The following COLEC11 variants were observed in gnomAD, a reference collection of about 807,000 sequenced individuals.
The protein encoded by COLEC11 is collectin-11.
A neutral mutation model predicts 27.3 loss-of-function variants in COLEC11; 20 were observed. The ratio of observed to expected loss-of-function variants is 0.73; its 90% CI spans 0.51 to 1.06. COLEC11 has a LOEUF of 1.06. Ranked by LOEUF, COLEC11 falls within the 50% of genes least tolerant of loss-of-function variation. COLEC11 has a pLI of 0.00. For synonymous variants in COLEC11, 163 were observed against 154.7 expected (o/e 1.05, Z -0.40); for missense variants, 310 against 383.0 (o/e 0.81, Z 1.59).
Position 3,644,201 on chromosome 2 carries a change from C to A in COLEC11, c.*83C>A. 6.4e-7 allele frequency: 1 copy of A among 1,559,930 alleles called. No homozygotes were observed. Among genetic ancestry groups the A allele is most frequent in the Non-Finnish European group, 8.7e-7 (1 of 1,146,226 alleles). On this transcript the variant is annotated 3_prime_UTR_variant, in exon 7 of 7. Transcript: ENST00000349077. Reference sequence around the variant, plus strand: ...ACAGAGCCCAGACCATGGTGCCAGCCAGGGAGCTGTCCCTCTGTGAAGGGT... The same window carrying A: ...ACAGAGCCCAGACCATGGTGCCAGCAAGGGAGCTGTCCCTCTGTGAAGGGT...
At chr2:3,605,621 G>T in intron 2 of COLEC11, 1 of 183,932 alleles carries the variant, frequency 5.4e-6, no homozygotes, top group Non-Finnish European at 1.1e-5. Context: ...GGGGCACATT[G>T]ACCTTTTGCA....
chr2:3,641,090 C>G, intron 5 of COLEC11: 1 of 379,086 alleles, frequency 2.6e-6, no homozygotes, highest in South Asian at 2.0e-5. Context: ...ACCCACCCAC[C>G]ATGTAGACCC....
chr2:3,635,569 C>T (rs182582379), intron 3 of COLEC11, among the ~76,000 whole-genome samples: 1 of 152,224 alleles, frequency 6.6e-6, no homozygotes, highest in Non-Finnish European at 1.5e-5. Flanking sequence ...CTATTCCCTT[C>T]CCTCGCACGC....
At chr2:3,625,920 G>C in intron 3 of COLEC11, 2 of 1,191,194 alleles carry the variant, frequency 1.7e-6, no homozygotes, top group East Asian at 4.7e-5. Context: ...GGCATGAGCC[G>C]CCATACCTGG....
At chr2:3,610,973 T>C (rs12988099) in intron 2 of COLEC11, among the ~76,000 whole-genome samples, 104,917 of 151,700 alleles carry the variant, frequency 0.69, 36,789 homozygotes, top group South Asian at 0.89. Context: ...TGGTGTTCTG[T>C]GATGTTGCTC....
chr2:3,605,289 C>G (rs1391229280), intron 2 of COLEC11, among the ~76,000 whole-genome samples: 1 of 131,318 alleles, frequency 7.6e-6, no homozygotes. Flanking sequence ...AGGGGAGTCA[C>G]GTGGGTGCCG....
chr2:3,618,649 G>T (rs982122217), intron 3 of COLEC11, among the ~76,000 whole-genome samples: 5 of 152,178 alleles, frequency 3.3e-5, no homozygotes, highest in African/African-American at 1.2e-4. Context: ...GCTTAAGGCT[G>T]CTTTGGCTAT....
chr2:3,606,390 G>A (rs577537330), intron 2 of COLEC11: 14 of 725,848 alleles, frequency 1.9e-5, no homozygotes, highest in Admixed American at 1.8e-4. Flanking sequence ...ACATGGGTAG[G>A]GTCCCTTCTC....
At chr2:3,606,252 C>A (rs72767191) in intron 2 of COLEC11, 56,441 of 1,549,648 alleles carry the variant, frequency 0.036, 1,441 homozygotes, top group African/African-American at 0.13. Context: ...AGGTCAGTAG[C>A]CTGCACTGGT....
chr2:3,625,876 G>A (rs1272524164), intron 3 of COLEC11: 25 of 756,932 alleles, frequency 3.3e-5, no homozygotes, highest in African/African-American at 1.5e-4. Flanking sequence ...CAAGAGATCC[G>A]CCTACCTTGG....
chr2:3,620,467 A>G (rs903609703), intron 3 of COLEC11, among the ~76,000 whole-genome samples: 10 of 145,250 alleles, frequency 6.9e-5, no homozygotes, highest in South Asian at 2.2e-4. Flanking sequence ...AGGTTCGTCA[A>G]TTTTTTTTTT....
At chr2:3,630,932 C>T (rs1010509784) in intron 3 of COLEC11, among the ~76,000 whole-genome samples, 8 of 152,226 alleles carry the variant, frequency 5.3e-5, no homozygotes, top group African/African-American at 1.7e-4. Context: ...CTGGTAAAGC[C>T]ACGTTTCGTC....
In COLEC11 at chr2:3,614,558, C is replaced by T. The variant is rs1404228948; in HGVS notation, c.202+1176C>T. 6.6e-5 allele frequency among the ~76,000 whole-genome samples: 10 copies of T among 151,638 alleles called. No homozygotes were observed. In the East Asian group the frequency reaches 1.9e-3, roughly 29 times the overall value. On this transcript the variant is annotated intron_variant, in intron 3 of 6. Transcript: ENST00000349077. ...TTCTTTTTTTTTCTTTTTTTTAAAT[C>T]AGCTTTCCATTTATTAAGTTTAGAG...
At chr2:3,626,428 G>A (rs1322817412) in intron 3 of COLEC11, among the ~76,000 whole-genome samples, 1 of 151,742 alleles carries the variant, frequency 6.6e-6, no homozygotes, top group East Asian at 2.0e-4. Context: ...AAAATGGGGG[G>A]TGGGGGGTGG....
intron 2 of COLEC11, chr2:3,606,115 G>C (rs549736802): frequency 1.9e-5 from 29 of 1,550,486 alleles, no homozygotes; most frequent in Non-Finnish European, 2.4e-5. Context: ...GTTTGTGAGT[G>C]GAACCTTCAG....
Position 3,619,335 on chromosome 2 carries a change from C to T in COLEC11, c.202+5953C>T, listed in dbSNP as rs544173036. ...GAATACAAGAGGCGAGAATGGGCAT[C>T]CTTGCCTTGTTTCTGATTTTAGAGT... On this transcript the variant is annotated intron_variant, in intron 3 of 6. Transcript: ENST00000349077. 1.6e-4 allele frequency among the ~76,000 whole-genome samples: 25 copies of T among 152,282 alleles called. No individual in the cohort carries two copies. In the South Asian group the frequency reaches 4.8e-3, roughly 29 times the overall value.
At chr2:3,616,742 A>G (rs1243918602) in intron 3 of COLEC11, among the ~76,000 whole-genome samples, 1 of 151,726 alleles carries the variant, frequency 6.6e-6, no homozygotes, top group African/African-American at 2.4e-5. Context: ...ATCAAGAGGG[A>G]GATCGTGGAA....
chr2:3,636,315 C>T (rs547663071), intron 3 of COLEC11, among the ~76,000 whole-genome samples: 9 of 152,270 alleles, frequency 5.9e-5, no homozygotes, highest in East Asian at 1.9e-4. Flanking sequence ...ATTAGCCTGG[C>T]GTGGTGGCGG....
At chr2:3,643,391 C>G in intron 5 of COLEC11, 53 bp from the exon 6 acceptor site, 1 of 1,459,166 alleles carries the variant, frequency 6.9e-7, no homozygotes, top group East Asian at 2.3e-5. Context: ...CGCCTCTCTT[C>G]TGAGTCCGAG....
Sources: gnomAD v4.1 joint callset for allele counts (sites outside exome capture counted in the v4.1 genomes callset) on GRCh38, gnomAD v4.1.1 for gene constraint, MANE v1.5 for transcripts, NCBI Gene and HGNC (gene_info 2026-07-23, HGNC 2026-07-21) for gene names.